Variants in RCC1L observed in about 807,000 individuals in gnomAD.
RCC1L encodes RCC1-like G exchanging factor-like protein.
Under a neutral mutation model 58.6 loss-of-function variants are expected in RCC1L, and 46 were observed. That is an observed-to-expected ratio of 0.79 (90% CI 0.62 to 1.00). The LOEUF is 1.00. RCC1L is among the 50% of genes least tolerant of loss of function. The pLI, the probability that RCC1L is intolerant of heterozygous loss-of-function variation, is 0.00. For synonymous variants in RCC1L, 281 were observed against 262.9 expected (o/e 1.07, Z -0.67); for missense variants, 636 against 623.6 (o/e 1.02, Z -0.21).
rs1249147281 is a variant in RCC1L, at chr7:75,057,617, C to G, written c.970-1G>C. The G allele has an allele frequency of 3.7e-6, 6 of 1,613,902 alleles. No individual in the cohort carries two copies. The highest frequency in any genetic ancestry group is 5.1e-6 in the Non-Finnish European group (6 of 1,179,828). ...AGTGTAAGCAGCGGGGCACATTCAC[C>G]TGAACCAAAGAAAGGAGCCACACTG... On this transcript the variant is annotated splice_acceptor_variant, in intron 7 of 10. Coordinates refer to ENST00000610322, the MANE Select transcript of RCC1L (RefSeq NM_030798.5). LOFTEE classifies it high-confidence loss of function.
At position 75,028,079 on chromosome 7, in the gene RCC1L, C is replaced by T. The variant is rs1336532337; in HGVS notation, c.1318G>A (p.Ala440Thr). 2.0e-6 allele frequency: 3 copies of T among 1,530,840 alleles called. No individual in the cohort carries two copies. The African/African-American group carries it at 4.1e-5, about 21-fold the overall frequency. 94.8% of individuals were successfully genotyped at this position (1,530,840 alleles called of 1,614,324 possible). The change falls in exon 11 of 11, where the codon GCA (alanine) becomes ACA (threonine). Residue 440 changes from alanine to threonine, a missense_variant and splice_region_variant. Physicochemically the swap from Ala to Thr is moderately conservative, Grantham distance 58. Coordinates refer to the RCC1L transcript ENST00000614461. Reference sequence around the variant, plus strand: ...TTGGCGCTGGCGGATGGGGCAGGTGCCTGGCGGGGGAGGAAGAGGGCTCTC... The same window carrying T: ...TTGGCGCTGGCGGATGGGGCAGGTGTCTGGCGGGGGAGGAAGAGGGCTCTC...
chr7:75,072,496 A>AGG (rs1415851967), intron 1 of RCC1L, among the ~76,000 whole-genome samples: 1 of 151,974 alleles, frequency 6.6e-6, no homozygotes, highest in Non-Finnish European at 1.5e-5. Context: ...ACCGTTACGT[A>AGG]CTCAGGCTAT....
chr7:75,061,168 G>A, intron 6 of RCC1L, 39 bp downstream of exon 6: 1 of 1,549,464 alleles, frequency 6.5e-7, no homozygotes, highest in Non-Finnish European at 8.9e-7. Context: ...GACACGGGCT[G>A]AGAAGTTTCA....
intron 10 of RCC1L, among the ~76,000 whole-genome samples, chr7:75,051,344 A>G (rs1448930803): frequency 2.7e-5 from 4 of 149,994 alleles, no homozygotes; most frequent in African/African-American, 9.8e-5. Context: ...ACACATATAT[A>G]TACACACACA....
At chr7:75,058,238 A>G (rs2131995374) in intron 7 of RCC1L, 1 of 286,782 alleles carries the variant, frequency 3.5e-6, no homozygotes, top group Non-Finnish European at 6.5e-6. Flanking sequence ...CGCCCAGCCT[A>G]TTTGCTCTTT....
At chr7:75,040,520 G>A, downstream of RCC1L, among the ~76,000 whole-genome samples, 1 of 151,920 alleles carries the variant, frequency 6.6e-6, no homozygotes, top group East Asian at 1.9e-4. Flanking sequence ...TAGGGTGGGA[G>A]GTTTATTAAA....
At position 75,053,655 on chromosome 7, in the gene RCC1L, T is replaced by C. The variant is rs945556887; in HGVS notation, c.1232-859A>G. Among the ~76,000 whole-genome samples, 23 of 152,298 alleles carry C rather than the reference T, an allele frequency of 1.5e-4. No homozygotes were observed. The South Asian group carries it at 4.6e-3, about 30-fold the overall frequency. ...CTGTTTAAGAGGTCAACCCAGGAGA[T>C]GGCCTCTCCTAGCCCGGCCTTCAGG... On this transcript the variant is annotated intron_variant, in intron 9 of 10. Transcript: ENST00000610322.
rs781976837 is a variant in RCC1L, at chr7:75,073,657, C to T, written c.81G>A (p.Thr27=). The T allele has an allele frequency of 8.9e-5, 131 of 1,471,428 alleles. No homozygotes were observed. The highest frequency in any genetic ancestry group is 1.1e-4 in the Non-Finnish European group (120 of 1,119,618). The allele number at this position is 1,471,428 out of a possible 1,614,324, so 91.1% of individuals were successfully genotyped here. The change falls in exon 1 of 11, where the codon ACG becomes ACA. Residue 27 remains threonine (T), a synonymous_variant. Transcript: ENST00000610322. ...SGPGLGRGHW[T]AAGRSRSRRE... ...GCCGGCTCCGGGAGCGCCCGGCCGC[C>T]GTCCAGTGCCCTCGCCCCAGCCCCG...
chr7:75,045,077 G>A (rs955846262), intron 10 of RCC1L, among the ~76,000 whole-genome samples: 1 of 152,122 alleles, frequency 6.6e-6, no homozygotes, highest in Non-Finnish European at 1.5e-5. Context: ...GTCTAGTGGT[G>A]CAATCACTGC....
At chr7:75,059,535 G>A (rs1008045492) in intron 6 of RCC1L, among the ~76,000 whole-genome samples, 21 of 152,220 alleles carry the variant, frequency 1.4e-4, no homozygotes, top group Middle Eastern at 6.8e-3. Flanking sequence ...GCTTCCCAAA[G>A]TGCTGGGATT....
At chr7:75,050,439 C>T (rs1385512946) in intron 10 of RCC1L, among the ~76,000 whole-genome samples, 1 of 152,220 alleles carries the variant, frequency 6.6e-6, no homozygotes, top group Admixed American at 6.5e-5. Flanking sequence ...TTGCACATGC[C>T]CTTATGGCAG....
At chr7:75,028,668 C>G (rs1242291596) in intron 10 of RCC1L, among the ~76,000 whole-genome samples, 1 of 152,128 alleles carries the variant, frequency 6.6e-6, no homozygotes, top group Non-Finnish European at 1.5e-5. Flanking sequence ...CCCAAGACAC[C>G]CCTTCCTCCC....
chr7:75,039,912 C>T (rs1378363490), downstream of RCC1L, among the ~76,000 whole-genome samples: 3 of 151,964 alleles, frequency 2.0e-5, no homozygotes, highest in African/African-American at 4.8e-5. Context: ...TTTCTATGGA[C>T]GTGTGTGTCA....
exon 11 of RCC1L, chr7:75,027,828 C>T: frequency 3.1e-6 from 2 of 647,424 alleles, no homozygotes; most frequent in East Asian, 2.8e-5. Context: ...TTGGTCTCCA[C>T]AGCTCTTCGG....
chr7:75,067,990 T>C (rs991908236), intron 2 of RCC1L, among the ~76,000 whole-genome samples: 11 of 152,190 alleles, frequency 7.2e-5, no homozygotes, highest in African/African-American at 2.6e-4. Context: ...TGCACACTTC[T>C]GTAAGTCTAA....
chr7:75,067,845 C>T (rs1438542540), intron 2 of RCC1L, among the ~76,000 whole-genome samples: 3 of 151,528 alleles, frequency 2.0e-5, no homozygotes, highest in Non-Finnish European at 4.4e-5. Context: ...ACCCTGTCTC[C>T]CCTTACCCCC....
chr7:75,073,313 C>T (rs1311432382), intron 1 of RCC1L, 101 bp downstream of exon 1: 6 of 525,024 alleles, frequency 1.1e-5, no homozygotes, highest in East Asian at 1.1e-4. Flanking sequence ...GAAGTCTGTC[C>T]ACCCAGAGGA....
chr7:75,070,982 A>C (rs782060320), intron 1 of RCC1L, among the ~76,000 whole-genome samples: 1 of 151,988 alleles, frequency 6.6e-6, no homozygotes, highest in Non-Finnish European at 1.5e-5. Flanking sequence ...CAAGCCTCCC[A>C]AGTAGCTGGG....
In RCC1L at chr7:75,042,771, CAG is replaced by C; in HGVS notation, c.*259_*260del. The C allele has an allele frequency of 2.1e-6, 3 of 1,413,602 alleles. No individual in the cohort carries two copies. Among genetic ancestry groups the C allele is most frequent in the Non-Finnish European group, 2.8e-6 (3 of 1,077,350 alleles). 87.6% of individuals were successfully genotyped at this position (1,413,602 alleles called of 1,614,324 possible). ...ACCGTCGCATGTTACTTGGAGAGAA[CAG>C]AGACGTGCGGGCCACAGCGGCCCAC... On this transcript the variant is annotated 3_prime_UTR_variant, in exon 11 of 11. Transcript: ENST00000610322.
Sources: gnomAD v4.1 joint callset for allele counts (sites outside exome capture counted in the v4.1 genomes callset) on GRCh38, gnomAD v4.1.1 for gene constraint, MANE v1.5 for transcripts, NCBI Gene and HGNC (gene_info 2026-07-23, HGNC 2026-07-21) for gene names.